The following ERAP1 variants were observed in gnomAD, a reference collection of about 807,000 sequenced individuals.
ERAP1 encodes endoplasmic reticulum aminopeptidase 1, also known as adipocyte-derived leucine aminopeptidase.
Under a neutral mutation model 103.7 loss-of-function variants are expected in ERAP1, and 86 were observed. That is an observed-to-expected ratio of 0.83 (90% confidence interval 0.70 to 0.99). The LOEUF (loss-of-function observed/expected upper bound fraction) is 0.99, where lower values mean the gene tolerates loss of function less well. ERAP1 is among the 50% of genes least tolerant of loss of function. The pLI, the probability that ERAP1 is intolerant of heterozygous loss-of-function variation, is 0.00. For synonymous variants in ERAP1, 398 were observed against 402.4 expected, an observed-to-expected ratio of 0.99 and a Z score of 0.13; for missense variants, 1,009 against 1,128.4, an observed-to-expected ratio of 0.89 and a Z score of 1.52.
At chr5:96,772,164 A>G (rs1772637509), downstream of ERAP1, 1 of 153,914 alleles carries the variant, frequency 6.5e-6, no homozygotes, top group Non-Finnish European at 1.5e-5. Flanking sequence ...AACAAGGGCA[A>G]AGGAAAAGAT....
the ERAP1 span, among the ~76,000 whole-genome samples, chr5:96,848,351 G>A: frequency 6.6e-6 from 1 of 152,038 alleles, no homozygotes; most frequent in Non-Finnish European, 1.5e-5. Flanking sequence ...ATACCCTGCC[G>A]AGAGTTTGTT....
intron 18 of ERAP1, chr5:96,779,382 A>T (rs1245899316): frequency 6.6e-6 from 1 of 152,228 alleles, no homozygotes; most frequent in African/African-American, 2.4e-5. Flanking sequence ...CAGTCATCAG[A>T]CAGAGTATCT....
At chr5:96,793,734 C>T in intron 6 of ERAP1, 69 bp downstream of exon 6, 1 of 1,346,260 alleles carries the variant, frequency 7.4e-7, no homozygotes, top group Admixed American at 2.3e-5. Context: ...ATATAAATAG[C>T]CTTATATGTC....
At chr5:96,823,536 C>T in the ERAP1 span, among the ~76,000 whole-genome samples, 1 of 152,274 alleles carries the variant, frequency 6.6e-6, no homozygotes, top group South Asian at 2.1e-4. Flanking sequence ...GGGCAAAAAT[C>T]TTCATCCTTC....
the ERAP1 span, chr5:96,896,953 C>A: frequency 8.1e-7 from 1 of 1,240,084 alleles, no homozygotes; most frequent in Non-Finnish European, 1.1e-6. Context: ...TATATATTGT[C>A]AGTCAACCAT....
chr5:96,803,557 C>G lies in ERAP1; in HGVS notation c.370G>C (p.Glu124Gln). ...GCAATTTGCTCCTGACGGGGGTGTT[C>G]CAGGACCTGCAGGGGTTCTTCCGAT... is the stretch of plus-strand genomic sequence containing the variant. ...RLSEEPLQVL[E>Q]HPRQEQIALL... Residue 124 changes from glutamate to glutamine, a missense_variant, in exon 2 of 19, where the codon GAA becomes CAA. Around this residue, in one of 3 missense-constraint regions of ERAP1, gnomAD observed 392 missense variants for 455.2 expected, o/e 0.86. Transcript: ENST00000443439. 6.2e-7 allele frequency: 1 copy of G among 1,613,850 alleles called. No homozygotes were observed. Among genetic ancestry groups the G allele is most frequent in the South Asian group, 1.1e-5 (1 of 91,072 alleles).
At chr5:96,901,511 C>T in the ERAP1 span, 2 of 1,613,046 alleles carry the variant, frequency 1.2e-6, no homozygotes, top group Middle Eastern at 1.7e-4. Context: ...TTCAGCTCGC[C>T]TTTCTGGGGG....
At chr5:96,877,719 A>G in the ERAP1 span, among the ~76,000 whole-genome samples, 1 of 138,714 alleles carries the variant, frequency 7.2e-6, no homozygotes. Context: ...GACCCACATA[A>G]TAAGCCACTC....
At chr5:96,912,840 C>CTAAATTGTTATAAGTAA in the ERAP1 span, 1 of 1,519,164 alleles carries the variant, frequency 6.6e-7, no homozygotes, top group Non-Finnish European at 8.9e-7. Flanking sequence ...AGTAAACTGA[C>CTAAATTGTTATAAGTAA]ACAAATTCAG....
chr5:96,790,766 C>T (rs756406202), intron 8 of ERAP1, 123 bp from the exon 9 acceptor site: 15 of 884,450 alleles, frequency 1.7e-5, no homozygotes, highest in Non-Finnish European at 2.5e-5. Flanking sequence ...CTGTTAATGT[C>T]TGGCAATTTG....
At chr5:96,902,034 A>G in the ERAP1 span, among the ~76,000 whole-genome samples, 1,946 of 152,354 alleles carry the variant, frequency 0.013, 21 homozygotes, top group Non-Finnish European at 0.02. Context: ...AAATGACACA[A>G]GTATTTGTGG....
intron 4 of ERAP1, among the ~76,000 whole-genome samples, chr5:96,796,938 C>A (rs1171287360): frequency 6.6e-6 from 1 of 152,172 alleles, no homozygotes; most frequent in African/African-American, 2.4e-5. Context: ...CACAAGGAAC[C>A]ATGCCTGGCT....
chr5:96,921,447 A>G, the ERAP1 span, among the ~76,000 whole-genome samples: 1 of 152,258 alleles, frequency 6.6e-6, no homozygotes, highest in Non-Finnish European at 1.5e-5. Context: ...GGCAGTATAA[A>G]CAGATCATTT....
the ERAP1 span, among the ~76,000 whole-genome samples, chr5:96,872,442 T>C: frequency 6.6e-6 from 1 of 151,306 alleles, no homozygotes; most frequent in Non-Finnish European, 1.5e-5. Context: ...CTACAAAAAA[T>C]TAAAAAATTA....
intron 18 of ERAP1, among the ~76,000 whole-genome samples, chr5:96,777,159 C>T (rs11747148): frequency 0.091 from 13,814 of 152,264 alleles, 827 homozygotes; most frequent in Middle Eastern, 0.16. Context: ...CTCTTGGCTA[C>T]CTCCTGAAAA....
the ERAP1 span, among the ~76,000 whole-genome samples, chr5:96,921,704 C>T: frequency 3.3e-5 from 5 of 152,210 alleles, no homozygotes; most frequent in Non-Finnish European, 5.9e-5. Flanking sequence ...ATTCTCAGTA[C>T]ATGACTCAGT....
At chr5:96,772,144 G>A (rs1284911822), downstream of ERAP1, 1 of 154,052 alleles carries the variant, frequency 6.5e-6, no homozygotes, top group African/African-American at 2.4e-5. Context: ...GGAAATTACA[G>A]GGTTTTGGGA....
chr5:96,776,653 C>T lies in ERAP1; in HGVS notation c.2671-102G>A, dbSNP rs1774354183. On this transcript the variant is annotated intron_variant, in intron 18 of 18. Coordinates refer to ENST00000443439, the MANE Select transcript of ERAP1 (RefSeq NM_001040458.3). ...CAAAATTCCAGCATTTGTCAAAATT[C>T]TATATAGAAGGCAGTCCCAGCTGTC... is the stretch of plus-strand genomic sequence containing the variant. The T allele has an allele frequency of 3.3e-6, 5 of 1,518,754 alleles. No individual in the cohort carries two copies. In the East Asian group the frequency reaches 1.2e-4, roughly 36 times the overall value. 94.1% of individuals were successfully genotyped at this position (1,518,754 alleles called of 1,614,324 possible). A position where few individuals can be genotyped will look rare whatever the true frequency, so the allele number is the denominator to read the frequency against.
At chr5:96,805,226 G>A (rs1778442996) in intron 1 of ERAP1, among the ~76,000 whole-genome samples, 1 of 151,906 alleles carries the variant, frequency 6.6e-6, no homozygotes, top group Admixed American at 6.6e-5. Context: ...GCATATTAAT[G>A]TAACCTGGGA....
Sources: gnomAD v4.1 joint callset for allele counts (sites outside exome capture counted in the v4.1 genomes callset) on GRCh38, gnomAD v4.1.1 for gene constraint, gnomAD v4.1.1 regional missense constraint, MANE v1.5 for transcripts, NCBI Gene and HGNC (gene_info 2026-07-23, HGNC 2026-07-21) for gene names.